CFAP20DC: variants seen among roughly 807,000 people sequenced by gnomAD.
The protein encoded by CFAP20DC is CFAP20 domain containing.
CFAP20DC carries 84 observed loss-of-function variants against 101.7 expected under a neutral mutation model. The observed-to-expected ratio is 0.83, with a 90% CI of 0.69 to 0.99. CFAP20DC has a LOEUF of 0.99. CFAP20DC is among the 50% of genes least tolerant of loss of function. The pLI is 0.00. For synonymous variants in CFAP20DC, 359 were observed against 351.2 expected (o/e 1.02, Z -0.25); for missense variants, 1,007 against 970.3 (o/e 1.04, Z -0.50).
chr3:58,769,997 C>T (rs151037282), intron 15 of CFAP20DC, among the ~76,000 whole-genome samples: 1 of 152,268 alleles, frequency 6.6e-6, no homozygotes, highest in East Asian at 1.9e-4. Context: ...CAAGCACCAT[C>T]TTCTCTATAC....
At chr3:58,842,154 CGGA>C (rs2108194636) in intron 13 of CFAP20DC, among the ~76,000 whole-genome samples, 1 of 152,190 alleles carries the variant, frequency 6.6e-6, no homozygotes, top group South Asian at 2.1e-4. Context: ...TACCAGTACT[CGGA>C]GGAGCCAAGA....
chr3:58,741,158 A>G (rs114734933), downstream of CFAP20DC, among the ~76,000 whole-genome samples: 126 of 152,344 alleles, frequency 8.3e-4, no homozygotes, highest in African/African-American at 2.8e-3. Context: ...TTCATTTCCA[A>G]TGGTACTCTT....
intron 14 of CFAP20DC, among the ~76,000 whole-genome samples, chr3:58,817,833 A>T (rs1477518361): frequency 6.6e-6 from 1 of 152,022 alleles, no homozygotes; most frequent in African/African-American, 2.4e-5. Flanking sequence ...CAAGACACAT[A>T]ATTGTCAGAT....
At chr3:58,942,464 GCAA>G (rs1338763928) in intron 4 of CFAP20DC, among the ~76,000 whole-genome samples, 1 of 152,182 alleles carries the variant, frequency 6.6e-6, no homozygotes, top group Non-Finnish European at 1.5e-5. Flanking sequence ...CCTGGGAAGT[GCAA>G]GGTGTCAGGG....
intron 4 of CFAP20DC, among the ~76,000 whole-genome samples, chr3:58,950,195 C>T (rs1462287536): frequency 2.0e-5 from 3 of 152,110 alleles, no homozygotes; most frequent in Non-Finnish European, 4.4e-5. Flanking sequence ...AAGAAAATAC[C>T]TAGGATCCAA....
intron 7 of CFAP20DC, among the ~76,000 whole-genome samples, chr3:58,873,196 T>TC: frequency 6.7e-6 from 1 of 149,712 alleles, no homozygotes; most frequent in East Asian, 2.0e-4. Context: ...GAAGTCTGGA[T>TC]AGCCATTCTG....
At chr3:58,830,328 C>A (rs73837971) in intron 14 of CFAP20DC, among the ~76,000 whole-genome samples, 3 of 152,146 alleles carry the variant, frequency 2.0e-5, no homozygotes, top group African/African-American at 7.2e-5. Context: ...CATTTGACAA[C>A]TGAGTCACCA....
intron 4 of CFAP20DC, among the ~76,000 whole-genome samples, chr3:59,019,579 T>G (rs1369503472): frequency 6.6e-6 from 1 of 152,052 alleles, no homozygotes; most frequent in Non-Finnish European, 1.5e-5. Flanking sequence ...GAACAAGAAA[T>G]GAAGCTTTAC....
rs549591903 is a variant in CFAP20DC, at chr3:58,925,290, T to A, written c.394-11426A>T. On this transcript the variant is annotated intron_variant, in intron 5 of 16. Transcript: ENST00000482387. ...AAATGTTGCTCCAAGAGAAAATTAA[T>A]TTACTTACAATCATCCCCAACATGG... Among the ~76,000 whole-genome samples the A allele has an allele frequency of 7.0e-4, 106 of 152,350 alleles. 1 individual carries two copies. The highest frequency in any genetic ancestry group is 2.5e-3 in the African/African-American group (105 of 41,590).
At chr3:59,037,329 T>C (rs981848960) in intron 4 of CFAP20DC, among the ~76,000 whole-genome samples, 1 of 151,736 alleles carries the variant, frequency 6.6e-6, no homozygotes. Flanking sequence ...GAAACTATCA[T>C]CAGAGTGAAC....
At chr3:58,849,585 C>G (rs373279852) in intron 12 of CFAP20DC, among the ~76,000 whole-genome samples, 176 bp from the exon 13 acceptor site, 12 of 152,104 alleles carry the variant, frequency 7.9e-5, no homozygotes, top group Non-Finnish European at 1.6e-4. Flanking sequence ...GCAATGCAAA[C>G]AGTTATAAGC....
rs1282660855 is a variant in CFAP20DC at position 58,807,850 on chromosome 3, A to C, written c.2176-1394T>G. Among the ~76,000 whole-genome samples, 3 of 152,198 alleles carry C rather than the reference A, an allele frequency of 2.0e-5. No homozygotes were observed. In the East Asian group the frequency reaches 5.8e-4, roughly 29 times the overall value. On this transcript the variant is annotated intron_variant, in intron 14 of 16. Transcript: ENST00000482387. ...AGAAGAATGTATAACTAGAATAACCAATACAGAGAAGTGCTTAAAGGAGCT... is the reference window on the plus strand; with the variant it reads ...AGAAGAATGTATAACTAGAATAACCCATACAGAGAAGTGCTTAAAGGAGCT...
chr3:58,807,939 T>C (rs1171739650), intron 14 of CFAP20DC, among the ~76,000 whole-genome samples: 3 of 151,882 alleles, frequency 2.0e-5, no homozygotes, highest in South Asian at 2.1e-4. Flanking sequence ...GGAGCCCATG[T>C]GATCAACTGG....
intron 15 of CFAP20DC, among the ~76,000 whole-genome samples, chr3:58,763,810 C>T (rs1559557011): frequency 2.6e-5 from 4 of 152,236 alleles, no homozygotes; most frequent in Admixed American, 6.5e-5. Context: ...GCACTCCAGA[C>T]CCTGTTTGCC....
chr3:58,876,118 C>T (rs1484647017), intron 7 of CFAP20DC, among the ~76,000 whole-genome samples: 27 of 151,992 alleles, frequency 1.8e-4, no homozygotes, highest in Admixed American at 1.8e-3. Context: ...TTTCACAAAG[C>T]AAAGTATACC....
intron 5 of CFAP20DC, among the ~76,000 whole-genome samples, chr3:58,927,144 A>G (rs1030343824): frequency 2.6e-5 from 4 of 152,236 alleles, no homozygotes; most frequent in African/African-American, 7.2e-5. Flanking sequence ...CTTAAATATT[A>G]AAGTGACTCT....
intron 13 of CFAP20DC, among the ~76,000 whole-genome samples, chr3:58,846,301 G>T (rs1408790554): frequency 6.6e-6 from 1 of 151,526 alleles, no homozygotes; most frequent in Non-Finnish European, 1.5e-5. Context: ...AAGCTGATAA[G>T]CAACTTCAGC....
chr3:58,877,655 TATG>T (rs1229654809), intron 7 of CFAP20DC, among the ~76,000 whole-genome samples: 2 of 152,184 alleles, frequency 1.3e-5, no homozygotes, highest in Non-Finnish European at 2.9e-5. Flanking sequence ...TTAAATTACA[TATG>T]ATGATGCCCT....
At chr3:58,955,980 T>C (rs2090588396) in intron 4 of CFAP20DC, among the ~76,000 whole-genome samples, 1 of 151,130 alleles carries the variant, frequency 6.6e-6, no homozygotes, top group Non-Finnish European at 1.5e-5. Flanking sequence ...AGATTCAGTA[T>C]GGGCAGGATT....
Sources: allele counts gnomAD v4.1 joint callset (sites outside exome capture counted in the v4.1 genomes callset), GRCh38; gene constraint gnomAD v4.1.1; transcripts MANE v1.5; gene names NCBI Gene and HGNC (gene_info 2026-07-23, HGNC 2026-07-21).